The following GPC3 variants were observed in gnomAD, a reference collection of about 807,000 sequenced individuals.
GPC3 encodes the protein glypican 3, also known as glypican-3.
In GPC3, 3 loss-of-function variants were observed where a neutral mutation model predicts 34.4. That is an observed-to-expected ratio of 0.09 (90% CI 0.04 to 0.23). GPC3 has a LOEUF of 0.23. Among genes scored for constraint, GPC3 ranks in the 10% least tolerant of loss-of-function variants. The pLI is 1.00. For missense variants in GPC3, 351 were observed against 445.6 expected (o/e 0.79, Z 1.91); for synonymous variants, 177 against 174.0 (o/e 1.02, Z -0.13).
Position 133,621,118 on chromosome X carries a change from TATG to T in GPC3, c.1414-24522_1414-24520del, listed in dbSNP as rs1409768307. On this transcript the variant is annotated intron_variant, in intron 6 of 7. Coordinates refer to ENST00000370818, the MANE Select transcript of GPC3 (RefSeq NM_004484.4). ...AGAAGCAGCAGTATAACTAGTTCTG[TATG>T]ATAAGGGCCTATAGAGTTTTAGCAC... is the stretch of plus-strand genomic sequence containing the variant. Among the ~76,000 whole-genome samples the T allele has an allele frequency of 9.1e-5, 9 of 99,414 alleles. No individual in the cohort carries two copies. In the South Asian group the frequency reaches 1.9e-3, roughly 21 times the overall value. 86.3% of individuals were successfully genotyped at this position (99,414 alleles called of 115,157 possible).
At chrX:133,951,105 G>C (rs1019550899) in intron 2 of GPC3, among the ~76,000 whole-genome samples, 2 of 104,744 alleles carry the variant, frequency 1.9e-5, no homozygotes, top group Non-Finnish European at 3.9e-5. Context: ...AAGTGAAAGA[G>C]AGACAGAGAG....
intron 6 of GPC3, among the ~76,000 whole-genome samples, chrX:133,641,346 C>T (rs975936223): frequency 5.5e-5 from 6 of 109,134 alleles, no homozygotes; most frequent in African/African-American, 1.7e-4. Context: ...TGTGGTGACG[C>T]GCGCCTGTAA....
At chrX:133,593,522 G>C (rs2069877386) in intron 7 of GPC3, among the ~76,000 whole-genome samples, 2 of 108,963 alleles carry the variant, frequency 1.8e-5, no homozygotes, top group South Asian at 8.2e-4. Flanking sequence ...GTTGAGGCTA[G>C]ACCAGAAGAC....
intron 6 of GPC3, among the ~76,000 whole-genome samples, chrX:133,640,132 T>C (rs1371615860): frequency 8.9e-6 from 1 of 112,192 alleles, no homozygotes; most frequent in Non-Finnish European, 1.9e-5. Flanking sequence ...CAATATTTCC[T>C]GTCTTAGGCA....
intron 3 of GPC3, among the ~76,000 whole-genome samples, chrX:133,738,184 G>A (rs1372242173): frequency 8.9e-6 from 1 of 111,817 alleles, no homozygotes; most frequent in Non-Finnish European, 1.9e-5. Context: ...CACTGGTCTC[G>A]AACTCCTGGG....
chrX:133,909,572 T>G (rs148433324), intron 2 of GPC3, among the ~76,000 whole-genome samples: 75 of 111,824 alleles, frequency 6.7e-4, no homozygotes, highest in African/African-American at 2.2e-3. Flanking sequence ...GAAGTAAATT[T>G]TAAAGAATAA....
chrX:133,604,129 C>T (rs929783906), intron 6 of GPC3, among the ~76,000 whole-genome samples: 3 of 111,309 alleles, frequency 2.7e-5, no homozygotes, highest in African/African-American at 9.8e-5. Flanking sequence ...CCATTTCTCA[C>T]GTTAAGGGAA....
chrX:133,670,335 A>G (rs1055002033), intron 5 of GPC3, among the ~76,000 whole-genome samples: 5 of 111,473 alleles, frequency 4.5e-5, no homozygotes, highest in African/African-American at 1.3e-4. Flanking sequence ...CCACATTTAG[A>G]AGAAATGCCT....
At chrX:133,850,553 A>AAAGG (rs1299269787) in intron 2 of GPC3, among the ~76,000 whole-genome samples, 2 of 111,141 alleles carry the variant, frequency 1.8e-5, no homozygotes, top group Non-Finnish European at 3.8e-5. Flanking sequence ...ACACCAGTAC[A>AAAGG]AAGGAATGCT....
chrX:133,811,631 G>A (rs2075666800), intron 2 of GPC3, among the ~76,000 whole-genome samples: 1 of 111,452 alleles, frequency 9.0e-6, no homozygotes, highest in African/African-American at 3.3e-5. Flanking sequence ...GCCTAAGTGT[G>A]ACTCACTCTC....
intron 5 of GPC3, among the ~76,000 whole-genome samples, chrX:133,668,070 T>C (rs2070786476): frequency 9.3e-6 from 1 of 107,084 alleles, no homozygotes; most frequent in Admixed American, 1.0e-4. Flanking sequence ...ACCTGGCTAA[T>C]TTTTCGTATT....
At chrX:133,984,267 C>T (rs940626014) in intron 1 of GPC3, among the ~76,000 whole-genome samples, 3 of 113,607 alleles carry the variant, frequency 2.6e-5, no homozygotes, top group Non-Finnish European at 5.6e-5. Context: ...GCCGTTTCTT[C>T]TCAGTGCACC....
At chrX:133,904,690 C>T (rs757164082) in intron 2 of GPC3, among the ~76,000 whole-genome samples, 1 of 111,862 alleles carries the variant, frequency 8.9e-6, no homozygotes, top group Non-Finnish European at 1.9e-5. Context: ...GAAAAATATG[C>T]TGACTAGGTT....
chrX:133,922,696 G>T (rs985622381), intron 2 of GPC3, among the ~76,000 whole-genome samples: 4 of 107,468 alleles, frequency 3.7e-5, no homozygotes, highest in African/African-American at 1.0e-4. Flanking sequence ...AGAAGATCTA[G>T]CTTGGTCTCC....
intron 6 of GPC3, among the ~76,000 whole-genome samples, chrX:133,637,712 G>A (rs962190217): frequency 5.4e-5 from 6 of 111,057 alleles, no homozygotes; most frequent in African/African-American, 9.8e-5. Context: ...GCTTGATCAC[G>A]GCTCACTGCA....
intron 2 of GPC3, among the ~76,000 whole-genome samples, chrX:133,783,958 A>G (rs1334899508): frequency 6.3e-5 from 7 of 111,994 alleles, no homozygotes; most frequent in Non-Finnish European, 1.1e-4. Flanking sequence ...GGATTCATTA[A>G]TGAAACTGGA....
rs184209356 is a variant in GPC3 at position 133,809,282 on chromosome X, C to T, written c.338-55106G>A. 8.7e-3 allele frequency among the ~76,000 whole-genome samples: 972 copies of T among 112,046 alleles called. 15 individuals are homozygous for T. Among genetic ancestry groups the T allele is most frequent in the African/African-American group, 0.03 (926 of 30,826 alleles). ...AATGAAGTTAGTTATGTTGGTATTC[C>T]TTTTAAATCATTTGTTAAAATTCAT... On this transcript the variant is annotated intron_variant, in intron 2 of 7. Transcript: ENST00000370818.
chrX:133,594,689 G>T (rs2069893853), intron 7 of GPC3, among the ~76,000 whole-genome samples: 1 of 110,958 alleles, frequency 9.0e-6, no homozygotes, highest in South Asian at 3.9e-4. Flanking sequence ...AAAGTAAAAT[G>T]GTGGTTGCTA....
Position 133,863,648 on chromosome X carries a change from C to CT in GPC3, c.337+89401dup, listed in dbSNP as rs1165193952. On this transcript the variant is annotated intron_variant, in intron 2 of 7. Transcript: ENST00000370818. ...ACCCCTAGTTAACATAAAAATATTCCTTTTTTTTTTTTTTTTTTGAGACGG... is the reference window on the plus strand; with the variant it reads ...ACCCCTAGTTAACATAAAAATATTCCTTTTTTTTTTTTTTTTTTTGAGACGG... Among the ~76,000 whole-genome samples the CT allele has an allele frequency of 6.1e-3, 441 of 72,839 alleles. 32 individuals are homozygous for CT. The highest frequency in any genetic ancestry group is 7.9e-3 in the Non-Finnish European group (335 of 42,196). 63.3% of individuals were successfully genotyped at this position (72,839 alleles called of 115,157 possible). A position where few individuals can be genotyped will look rare whatever the true frequency, so the allele number is the denominator to read the frequency against.
Sources: allele counts gnomAD v4.1 joint callset (sites outside exome capture counted in the v4.1 genomes callset), GRCh38; gene constraint gnomAD v4.1.1; transcripts MANE v1.5; gene names NCBI Gene and HGNC (gene_info 2026-07-23, HGNC 2026-07-21).